Variants in JPT2 observed in about 807,000 individuals in gnomAD.
JPT2 encodes CRAMP_1 like.
In JPT2, 9 loss-of-function variants were observed where a neutral mutation model predicts 15.9. That is an observed-to-expected ratio of 0.57 (90% CI 0.34 to 0.99). The LOEUF is 0.99. Among genes scored for constraint, JPT2 ranks in the 50% least tolerant of loss-of-function variants. The pLI is 0.02. For synonymous variants in JPT2, 95 were observed against 91.7 expected, an observed-to-expected ratio of 1.04 and a Z score of -0.21; for missense variants, 267 against 252.1, an observed-to-expected ratio of 1.06 and a Z score of -0.40.
rs375284950 is a variant in JPT2, at chr16:1,691,979, A to T, written c.330A>T (p.Lys110Asn). ...CTTCACGCTTGGCACACCCAAACAAACCCAAGGTATGGACTGCATTCAGAC... is the reference window on the plus strand; with the variant it reads ...CTTCACGCTTGGCACACCCAAACAATCCCAAGGTATGGACTGCATTCAGAC... ...TATSRLAHPN[K>N]PKDHVFLCEG... Residue 110 changes from lysine (K) to asparagine (N), a missense_variant, in exon 3 of 5, where the codon AAA (lysine) becomes AAT (asparagine). Coordinates refer to ENST00000248098, the MANE Select transcript of JPT2 (RefSeq NM_144570.3). 1 of 1,614,022 alleles carries T rather than the reference A, an allele frequency of 6.2e-7. No homozygotes were observed. The highest frequency in any genetic ancestry group is 8.5e-7 in the Non-Finnish European group (1 of 1,179,976).
At chr16:1,697,724 G>A (rs2037152718) in intron 3 of JPT2, 88 bp from the exon 4 acceptor site, 3 of 1,250,820 alleles carry the variant, frequency 2.4e-6, no homozygotes, top group Admixed American at 3.7e-5. Flanking sequence ...TAAATTAAAA[G>A]GTTATATGGT....
chr16:1,699,739 T>G lies in JPT2; in HGVS notation c.*741T>G. 1 of 234,572 alleles carries G rather than the reference T, an allele frequency of 4.3e-6. No homozygotes were observed. Among genetic ancestry groups the G allele is most frequent in the Non-Finnish European group, 8.6e-6 (1 of 116,100 alleles). The allele number at this position is 234,572 out of a possible 1,614,324, so 14.5% of individuals were successfully genotyped here. A position where few individuals can be genotyped will look rare whatever the true frequency, so the allele number is the denominator to read the frequency against. On this transcript the variant is annotated 3_prime_UTR_variant, in exon 5 of 5. Transcript: ENST00000248098. ...ACATGCCAGTTTTGCTTGTGAATTC[T>G]TGCTTTTTTCCTCTCATCAGCCTTA...
chr16:1,699,548 T>C lies in JPT2; in HGVS notation c.*550T>C. The stretch of plus-strand genomic sequence containing the variant: ...TCTTGATTGCTTTTCCTCGGCAGCT[T>C]TCAAAAAACCAAATAATAATAGTTA... On this transcript the variant is annotated 3_prime_UTR_variant, in exon 5 of 5. Transcript: ENST00000248098. 3.1e-6 allele frequency: 1 copy of C among 324,236 alleles called. No homozygotes were observed. Among genetic ancestry groups the C allele is most frequent in the South Asian group, 2.6e-5 (1 of 38,592 alleles). 20.1% of individuals were successfully genotyped at this position (324,236 alleles called of 1,614,324 possible).
At chr16:1,696,121 C>T (rs920327619) in intron 3 of JPT2, among the ~76,000 whole-genome samples, 5 of 151,950 alleles carry the variant, frequency 3.3e-5, no homozygotes, top group East Asian at 1.9e-4. Context: ...CCCAGGTACT[C>T]GGAAGACTGA....
At chr16:1,679,174 G>A (rs1334029423) in intron 1 of JPT2, among the ~76,000 whole-genome samples, 1 of 152,234 alleles carries the variant, frequency 6.6e-6, no homozygotes, top group East Asian at 1.9e-4. Context: ...CACTTGAGCA[G>A]TAAACTTGCA....
intron 1 of JPT2, among the ~76,000 whole-genome samples, chr16:1,679,727 G>A (rs919979675): frequency 6.6e-6 from 1 of 151,384 alleles, no homozygotes; most frequent in Non-Finnish European, 1.5e-5. Flanking sequence ...AGATTTGAGG[G>A]AGTTAGGTCA....
chr16:1,699,055 T>C lies in JPT2; in HGVS notation c.*57T>C, dbSNP rs1435086666. On this transcript the variant is annotated 3_prime_UTR_variant, in exon 5 of 5. Transcript: ENST00000248098. ...AGAAACTCAAGAGATAGGGTAGCCA[T>C]GTTTTCATTTCCTTTTGCCCAAATG... is the stretch of plus-strand genomic sequence containing the variant. The C allele has an allele frequency of 1.9e-6, 3 of 1,562,048 alleles. No homozygotes were observed. Among genetic ancestry groups the C allele is most frequent in the East Asian group, 2.2e-5 (1 of 44,620 alleles).
chr16:1,681,370 G>A (rs556220312), intron 1 of JPT2, among the ~76,000 whole-genome samples: 203 of 152,278 alleles, frequency 1.3e-3, no homozygotes, highest in Non-Finnish European at 2.4e-3. Flanking sequence ...CATAATTTCT[G>A]CTAAAACCGT....
chr16:1,701,873 C>CAA lies in JPT2; in HGVS notation c.*2883_*2884dup. The stretch of plus-strand genomic sequence containing the variant: ...ACAACATACTACGACCCTGTCTATA[C>CAA]AAAAAAAAACTTCTCTAAATTAGCC... On this transcript the variant is annotated 3_prime_UTR_variant, in exon 5 of 5. Coordinates refer to ENST00000248098, the MANE Select transcript of JPT2 (RefSeq NM_144570.3). The CAA allele has an allele frequency of 7.0e-6, 2 of 287,574 alleles. No individual in the cohort carries two copies. Among genetic ancestry groups the CAA allele is most frequent in the Non-Finnish European group, 1.4e-5 (2 of 141,214 alleles). 17.8% of individuals were successfully genotyped at this position (287,574 alleles called of 1,614,324 possible). A position where few individuals can be genotyped will look rare whatever the true frequency, so the allele number is the denominator to read the frequency against.
intron 3 of JPT2, among the ~76,000 whole-genome samples, chr16:1,697,386 G>A (rs568417076): frequency 2.0e-5 from 3 of 152,104 alleles, no homozygotes; most frequent in South Asian, 2.1e-4. Flanking sequence ...GGTGGCTCAC[G>A]CCTGTAGTCC....
intron 2 of JPT2, chr16:1,685,904 T>G: frequency 4.3e-6 from 1 of 234,918 alleles, no homozygotes; most frequent in African/African-American, 2.3e-5. Context: ...ATTCCTGAAA[T>G]TGCGTGCAAA....
In JPT2 at chr16:1,698,672, C is replaced by T; in HGVS notation, c.386-139C>T. Reference sequence around the variant, plus strand: ...TTTTGGTACCAGATGAAAAGCCTGTCTATATTGTCTTCTCTTTCCCAGTTA... The same window carrying T: ...TTTTGGTACCAGATGAAAAGCCTGTTTATATTGTCTTCTCTTTCCCAGTTA... On this transcript the variant is annotated intron_variant, in intron 4 of 4. Transcript: ENST00000248098. This position sits in a 1 kb window ranked among gnomAD's most constrained non-coding sequence, Gnocchi z 4.9. The T allele has an allele frequency of 1.2e-6, 1 of 822,548 alleles. No individual in the cohort carries two copies. Among genetic ancestry groups the T allele is most frequent in the Non-Finnish European group, 1.9e-6 (1 of 527,806 alleles). The allele number at this position is 822,548 out of a possible 1,614,324, so 51.0% of individuals were successfully genotyped here.
At chr16:1,681,685 G>A (rs1180363994) in intron 1 of JPT2, among the ~76,000 whole-genome samples, 1 of 152,208 alleles carries the variant, frequency 6.6e-6, no homozygotes, top group Non-Finnish European at 1.5e-5. Flanking sequence ...CTCCTCCGGG[G>A]TAAGGACTTG....
At chr16:1,681,072 C>T (rs186025221) in intron 1 of JPT2, among the ~76,000 whole-genome samples, 3 of 152,330 alleles carry the variant, frequency 2.0e-5, no homozygotes, top group Admixed American at 1.3e-4. Context: ...AATTGGGAAG[C>T]ACCCCCCACT....
chr16:1,682,426 C>G (rs1372775658), intron 1 of JPT2, among the ~76,000 whole-genome samples: 3 of 151,942 alleles, frequency 2.0e-5, no homozygotes, highest in Non-Finnish European at 2.9e-5. Context: ...AATCCCAGCA[C>G]TTTGGGAGGC....
intron 2 of JPT2, 36 bp from the exon 3 acceptor site, chr16:1,691,807 G>C: frequency 6.3e-7 from 1 of 1,598,144 alleles, no homozygotes; most frequent in South Asian, 1.1e-5. Context: ...TCCGGTGGAC[G>C]TCTGGTTGCT....
rs558457747 is a variant in JPT2 at position 1,682,505 on chromosome 16, C to G, written c.45-2934C>G. On this transcript the variant is annotated intron_variant, in intron 1 of 4. Transcript: ENST00000248098. ...TGGCCAACATGGTGAAACCCCGTCT[C>G]TACTAAAAATAGAAAAATTAGCTGG... Among the ~76,000 whole-genome samples the G allele has an allele frequency of 2.0e-5, 3 of 152,190 alleles. No homozygotes were observed. The East Asian group carries it at 5.8e-4, about 29-fold the overall frequency.
At chr16:1,697,406 G>A (rs953398457) in intron 3 of JPT2, among the ~76,000 whole-genome samples, 4 of 151,982 alleles carry the variant, frequency 2.6e-5, no homozygotes, top group African/African-American at 9.7e-5. Context: ...CCCACTACTC[G>A]GGAGGCTGAG....
intron 1 of JPT2, chr16:1,683,524 G>A (rs1452912020): frequency 6.5e-6 from 10 of 1,534,626 alleles, no homozygotes; most frequent in Admixed American, 3.9e-5. Flanking sequence ...GGCAACTGCT[G>A]ACAGGAAGTT....
Sources: allele counts gnomAD v4.1 joint callset (sites outside exome capture counted in the v4.1 genomes callset), GRCh38; gene constraint gnomAD v4.1.1; non-coding constraint Gnocchi (gnomAD v3.1); transcripts MANE v1.5; gene names NCBI Gene and HGNC (gene_info 2026-07-23, HGNC 2026-07-21).